NRXN1: variants seen among roughly 807,000 people sequenced by gnomAD.
NRXN1 encodes neurexin 1, also known as neurexin-1.
Under a neutral mutation model 150.9 loss-of-function variants are expected in NRXN1, and 39 were observed. The observed-to-expected ratio is 0.26, with a 90% CI of 0.20 to 0.34. The LOEUF (loss-of-function observed/expected upper bound fraction) is 0.34. Ranked by LOEUF, NRXN1 falls within the 10% of genes least tolerant of loss-of-function variation. The pLI, the probability that NRXN1 is intolerant of heterozygous loss-of-function variation, is 1.00. For missense variants in NRXN1, 1,815 were observed against 1,949.9 expected, an observed-to-expected ratio of 0.93 and a Z score of 1.30; for synonymous variants, 924 against 757.0, an observed-to-expected ratio of 1.22 and a Z score of -3.62.
intron 16 of NRXN1, among the ~76,000 whole-genome samples, chr2:50,465,969 A>G (rs1247370785): frequency 6.6e-6 from 1 of 151,856 alleles, no homozygotes; most frequent in African/African-American, 2.4e-5. Context: ...TGAAATTGAG[A>G]TAAGATTGGC....
chr2:50,962,612 T>C (rs541691519), intron 2 of NRXN1, among the ~76,000 whole-genome samples: 9 of 151,794 alleles, frequency 5.9e-5, no homozygotes, highest in Admixed American at 3.3e-4. Context: ...TGGGATCTCA[T>C]TGTCTTATGT....
At chr2:50,209,992 C>A (rs2062896837) in intron 18 of NRXN1, among the ~76,000 whole-genome samples, 1 of 151,890 alleles carries the variant, frequency 6.6e-6, no homozygotes, top group South Asian at 2.1e-4. Context: ...TGCTGTTTAT[C>A]TCTCAACTCT....
chr2:49,988,649 C>G (rs1438889426), intron 21 of NRXN1, among the ~76,000 whole-genome samples: 1 of 149,186 alleles, frequency 6.7e-6, no homozygotes, highest in Non-Finnish European at 1.5e-5. Context: ...AGCCCTGAAG[C>G]CTGCCTATTC....
At position 50,976,986 on chromosome 2, in the gene NRXN1, A is replaced by G. The variant is rs1486088618; in HGVS notation, c.772+50516T>C. ...AATTTTATTATCAACAGGTCATTTGAAATTTTGAAGGCATAGCTTAATGTT... is the reference window on the plus strand; with the variant it reads ...AATTTTATTATCAACAGGTCATTTGGAATTTTGAAGGCATAGCTTAATGTT... On this transcript the variant is annotated intron_variant, in intron 2 of 22. Coordinates refer to ENST00000401669, the MANE Select transcript of NRXN1 (RefSeq NM_001330078.2). 3.3e-5 allele frequency among the ~76,000 whole-genome samples: 5 copies of G among 152,020 alleles called. No homozygotes were observed. The East Asian group carries it at 9.6e-4, about 29-fold the overall frequency.
At chr2:50,537,832 T>C (rs1200930279) in intron 10 of NRXN1, among the ~76,000 whole-genome samples, 2 of 152,198 alleles carry the variant, frequency 1.3e-5, no homozygotes, top group African/African-American at 4.8e-5. Context: ...TCAGGGAAGT[T>C]GCAACTCATA....
intron 17 of NRXN1, among the ~76,000 whole-genome samples, chr2:50,409,648 A>G (rs2083003042): frequency 6.6e-6 from 1 of 152,188 alleles, no homozygotes. Flanking sequence ...TGGAAAACCT[A>G]CTTTTTGAGT....
chr2:50,376,046 T>TATATAC (rs1553516368), intron 17 of NRXN1, among the ~76,000 whole-genome samples: 81 of 148,732 alleles, frequency 5.4e-4, no homozygotes, highest in Middle Eastern at 3.5e-3. Flanking sequence ...CATATATATA[T>TATATAC]ACACACACAC....
chr2:50,404,440 G>GAC (rs559590960), intron 17 of NRXN1, among the ~76,000 whole-genome samples: 282 of 152,208 alleles, frequency 1.9e-3, no homozygotes, highest in African/African-American at 6.8e-3. Context: ...TTTTAGGAAA[G>GAC]ACACTCACAC....
intron 5 of NRXN1, among the ~76,000 whole-genome samples, chr2:50,893,197 C>T (rs17041090): frequency 0.066 from 10,104 of 152,196 alleles, 475 homozygotes; most frequent in East Asian, 0.2. Flanking sequence ...CATTTGTCCC[C>T]TGGAGCACCC....
At chr2:50,312,738 T>C (rs1181183845) in intron 17 of NRXN1, 1 of 516,852 alleles carries the variant, frequency 1.9e-6, no homozygotes, top group South Asian at 1.4e-5. Context: ...GTGTCATAGG[T>C]AAGCCAAATA....
At chr2:50,245,660 A>G (rs554219336) in intron 17 of NRXN1, among the ~76,000 whole-genome samples, 1 of 152,000 alleles carries the variant, frequency 6.6e-6, no homozygotes, top group African/African-American at 2.4e-5. Flanking sequence ...TAACTTACTT[A>G]TTTCAAAGGT....
At position 50,843,260 on chromosome 2, in the gene NRXN1, A is replaced by T. The variant is rs945902675; in HGVS notation, c.832+78609T>A. On this transcript the variant is annotated intron_variant, in intron 5 of 22. Transcript: ENST00000401669. The stretch of plus-strand genomic sequence containing the variant: ...CAAACAATTAACTCCTTTAATTAAA[A>T]CATTTTTCCTCCAATGGAGACTTTG... 5.9e-5 allele frequency among the ~76,000 whole-genome samples: 9 copies of T among 152,308 alleles called. No homozygotes were observed. In the East Asian group the frequency reaches 1.7e-3, roughly 29 times the overall value.
intron 5 of NRXN1, among the ~76,000 whole-genome samples, chr2:50,630,630 C>T (rs1445520553): frequency 6.6e-6 from 1 of 151,648 alleles, no homozygotes; most frequent in Non-Finnish European, 1.5e-5. Context: ...AAAAAACTAG[C>T]CAATATTATT....
At chr2:50,789,051 C>G (rs891687057) in intron 5 of NRXN1, among the ~76,000 whole-genome samples, 1 of 152,016 alleles carries the variant, frequency 6.6e-6, no homozygotes, top group Non-Finnish European at 1.5e-5. Flanking sequence ...ATGTAAGGCC[C>G]GTAGGTCCAA....
chr2:50,911,569 C>T (rs1031271434), intron 5 of NRXN1, among the ~76,000 whole-genome samples: 2 of 151,816 alleles, frequency 1.3e-5, no homozygotes, highest in African/African-American at 4.8e-5. Context: ...GTTCTTTCTC[C>T]ACAATTTCCA....
At chr2:50,042,256 G>T (rs1691099249) in intron 21 of NRXN1, among the ~76,000 whole-genome samples, 3 of 152,216 alleles carry the variant, frequency 2.0e-5, no homozygotes, top group South Asian at 4.1e-4. Context: ...ATCTTGAATT[G>T]TAGTTCCCAT....
At chr2:50,599,767 G>A (rs966757086) in intron 8 of NRXN1, among the ~76,000 whole-genome samples, 2 of 152,160 alleles carry the variant, frequency 1.3e-5, no homozygotes, top group Non-Finnish European at 2.9e-5. Flanking sequence ...GAAACGCCTG[G>A]ATGTTTCCTA....
At chr2:50,392,338 G>C (rs1197675966) in intron 17 of NRXN1, among the ~76,000 whole-genome samples, 4 of 152,058 alleles carry the variant, frequency 2.6e-5, no homozygotes, top group African/African-American at 9.7e-5. Context: ...AGTTGACTGA[G>C]TTGAAATTAC....
chr2:50,472,983 C>A (rs2089663548), intron 15 of NRXN1, among the ~76,000 whole-genome samples: 1 of 152,012 alleles, frequency 6.6e-6, no homozygotes, highest in South Asian at 2.1e-4. Context: ...ACACAGTCAA[C>A]AGGCATTATT....
Sources: gnomAD v4.1 joint callset for allele counts (sites outside exome capture counted in the v4.1 genomes callset) on GRCh38, gnomAD v4.1.1 for gene constraint, MANE v1.5 for transcripts, NCBI Gene and HGNC (gene_info 2026-07-23, HGNC 2026-07-21) for gene names.